The following VPS8 variants were observed in gnomAD, a reference collection of about 807,000 sequenced individuals.
The protein encoded by VPS8 is vacuolar protein sorting-associated protein 8 homolog.
Under a neutral mutation model 216.4 loss-of-function variants are expected in VPS8, and 129 were observed. The observed-to-expected ratio is 0.60, with a 90% CI of 0.52 to 0.69. The LOEUF is 0.69. VPS8 is among the 30% of genes least tolerant of loss of function. VPS8 has a pLI of 0.00. For synonymous variants in VPS8, 571 were observed against 565.4 expected (o/e 1.01, Z -0.14); for missense variants, 1,531 against 1,683.5 (o/e 0.91, Z 1.59).
intron 45 of VPS8, among the ~76,000 whole-genome samples, chr3:185,008,613 T>C (rs574982524): frequency 5.9e-5 from 9 of 152,178 alleles, no homozygotes; most frequent in African/African-American, 2.2e-4. Context: ...AGGTAATATT[T>C]AAGCCAAGAC....
intron 25 of VPS8, among the ~76,000 whole-genome samples, chr3:184,905,463 T>G (rs558440800): frequency 2.0e-5 from 3 of 152,180 alleles, no homozygotes; most frequent in Non-Finnish European, 4.4e-5. Flanking sequence ...CTAATTTTTG[T>G]AATTTGACTC....
intron 35 of VPS8, among the ~76,000 whole-genome samples, chr3:184,938,426 G>A (rs1405775397): frequency 6.6e-6 from 1 of 152,158 alleles, no homozygotes; most frequent in Non-Finnish European, 1.5e-5. Flanking sequence ...AATGCTAATG[G>A]AGCCCAGGAT....
intron 24 of VPS8, among the ~76,000 whole-genome samples, chr3:184,899,233 T>C (rs993383148): frequency 6.6e-6 from 1 of 152,238 alleles, no homozygotes; most frequent in Non-Finnish European, 1.5e-5. Context: ...TGTTTTCTTA[T>C]TTGTTTTCAG....
At chr3:184,852,148 T>G (rs527413785) in intron 10 of VPS8, among the ~76,000 whole-genome samples, 2 of 152,206 alleles carry the variant, frequency 1.3e-5, no homozygotes, top group African/African-American at 2.4e-5. Flanking sequence ...GGTGTAAATG[T>G]AACCAAAGGA....
chr3:184,871,867 T>C (rs745606163), intron 21 of VPS8, among the ~76,000 whole-genome samples: 24 of 152,176 alleles, frequency 1.6e-4, no homozygotes, highest in Non-Finnish European at 3.1e-4. Flanking sequence ...AGAATAGATA[T>C]GGCAGTTAAG....
intron 24 of VPS8, among the ~76,000 whole-genome samples, chr3:184,900,253 A>G (rs775791151): frequency 3.9e-5 from 6 of 152,246 alleles, no homozygotes; most frequent in African/African-American, 7.2e-5. Context: ...GAGAAAAGAT[A>G]AGGATTATTC....
chr3:184,930,963 A>G (rs1679780035), intron 34 of VPS8, among the ~76,000 whole-genome samples: 1 of 152,170 alleles, frequency 6.6e-6, no homozygotes, highest in Admixed American at 6.5e-5. Flanking sequence ...TCTTCCTTAT[A>G]TAACAGGATG....
At chr3:185,040,086 G>A (rs953840937) in intron 46 of VPS8, among the ~76,000 whole-genome samples, 5 of 152,096 alleles carry the variant, frequency 3.3e-5, no homozygotes, top group Non-Finnish European at 7.4e-5. Context: ...CTAATAGAGT[G>A]ACAAATCACT....
At chr3:184,869,418 A>G in intron 19 of VPS8, 64 bp from the exon 20 acceptor site, 1 of 1,494,318 alleles carries the variant, frequency 6.7e-7, no homozygotes, top group South Asian at 1.2e-5. Flanking sequence ...GAAACCAGAC[A>G]TAGTTTCACT....
chr3:184,891,488 G>A (rs1408138656), intron 22 of VPS8, among the ~76,000 whole-genome samples: 1 of 151,926 alleles, frequency 6.6e-6, no homozygotes, highest in East Asian at 1.9e-4. Context: ...TATCAAAGCT[G>A]GGGGAAAAAA....
intron 5 of VPS8, among the ~76,000 whole-genome samples, chr3:184,838,390 C>A (rs183364929): frequency 7.6e-4 from 116 of 152,222 alleles, no homozygotes; most frequent in Admixed American, 3.3e-3. Flanking sequence ...CCCCATAGTA[C>A]TTATAGTTTA....
chr3:185,042,445 G>A (rs1047135002), intron 46 of VPS8, among the ~76,000 whole-genome samples: 15 of 152,264 alleles, frequency 9.9e-5, no homozygotes, highest in South Asian at 6.2e-4. Context: ...AGTATGCCAC[G>A]TGGCAAGACT....
intron 37 of VPS8, among the ~76,000 whole-genome samples, chr3:184,958,809 A>G (rs1164463418): frequency 2.6e-5 from 4 of 152,218 alleles, no homozygotes; most frequent in African/African-American, 9.6e-5. Context: ...AGAATCTCAT[A>G]ATGTTTACTG....
At chr3:185,046,694 A>C (rs987902814) in intron 46 of VPS8, among the ~76,000 whole-genome samples, 13 of 152,210 alleles carry the variant, frequency 8.5e-5, no homozygotes, top group African/African-American at 3.1e-4. Flanking sequence ...AAGCCCATAC[A>C]TTATGTCTAA....
chr3:184,875,056 CTTTTT>C (rs5855044), intron 21 of VPS8, among the ~76,000 whole-genome samples: 4 of 100,286 alleles, frequency 4.0e-5, no homozygotes, highest in African/African-American at 4.1e-5. Flanking sequence ...GTTTTTAAAA[CTTTTT>C]TTTTTTTTTT....
chr3:184,888,371 C>T lies in VPS8; in HGVS notation c.1781+2215C>T, dbSNP rs1226416981. On this transcript the variant is annotated intron_variant, in intron 22 of 47. Transcript: ENST00000625842. ...CTTTCCGGTGTTAGGGCCACAAATA[C>T]CTTTGTGTCTCTTGAATAGCTAGTT... Among the ~76,000 whole-genome samples, 3 of 152,176 alleles carry T rather than the reference C, an allele frequency of 2.0e-5. No individual in the cohort carries two copies. The East Asian group carries it at 5.8e-4, about 29-fold the overall frequency.
intron 45 of VPS8, among the ~76,000 whole-genome samples, chr3:185,008,507 G>A (rs1278908400): frequency 6.6e-6 from 1 of 152,120 alleles, no homozygotes; most frequent in Non-Finnish European, 1.5e-5. Context: ...ATTGTGACAG[G>A]TACATAATTG....
intron 43 of VPS8, 88 bp downstream of exon 43, chr3:184,994,151 T>A: frequency 1.1e-6 from 1 of 940,692 alleles, no homozygotes. Context: ...TAAAAAAAAA[T>A]TACCATCTAT....
intron 25 of VPS8, among the ~76,000 whole-genome samples, chr3:184,902,022 AT>A (rs1282371898): frequency 6.6e-6 from 1 of 150,418 alleles, no homozygotes; most frequent in African/African-American, 2.5e-5. Flanking sequence ...TTTAATTTTT[AT>A]TCTGTGATCA....
Sources: gnomAD v4.1 joint callset for allele counts (sites outside exome capture counted in the v4.1 genomes callset) on GRCh38, gnomAD v4.1.1 for gene constraint, MANE v1.5 for transcripts, NCBI Gene and HGNC (gene_info 2026-07-23, HGNC 2026-07-21) for gene names.